Variants in IKZF3 observed in about 807,000 individuals in gnomAD.
IKZF3 encodes zinc finger protein Aiolos.
In IKZF3, 10 loss-of-function variants were observed where a neutral mutation model predicts 49.0. The ratio of observed to expected loss-of-function variants is 0.20; its 90% CI spans 0.13 to 0.35. The LOEUF is 0.35. Ranked by LOEUF, IKZF3 falls within the 10% of genes least tolerant of loss-of-function variation. The pLI is 1.00. For synonymous variants in IKZF3, 209 were observed against 228.2 expected (o/e 0.92, Z 0.76); for missense variants, 498 against 664.8 (o/e 0.75, Z 2.76).
At position 39,849,924 on chromosome 17, in the gene IKZF3, T is replaced by C. The variant is rs115233364; in HGVS notation, c.7+14196A>G. On this transcript the variant is annotated intron_variant, in intron 1 of 7. Transcript: ENST00000346872. ...CTCTCAGACATTGCTAGTGGGAGGG[T>C]AAACTGATCCAACCACTTTGGAAAC... is the stretch of plus-strand genomic sequence containing the variant. 4.3e-3 allele frequency among the ~76,000 whole-genome samples: 652 copies of C among 151,290 alleles called. 6 individuals carry two copies. The highest frequency in any genetic ancestry group is 0.015 in the African/African-American group (602 of 41,210).
rs79313700 is a variant in IKZF3, at chr17:39,835,288, C to G, written c.8-3137G>C. Reference sequence around the variant, plus strand: ...AGGGCCAGCTTGATGGTCATCAGCTCCTGGTACTTGAGCAGCTGACGCGCC... The same window carrying G: ...AGGGCCAGCTTGATGGTCATCAGCTGCTGGTACTTGAGCAGCTGACGCGCC... On this transcript the variant is annotated intron_variant, in intron 1 of 7. Coordinates refer to ENST00000346872, the MANE Select transcript of IKZF3 (RefSeq NM_012481.5). The G allele has an allele frequency of 1.6e-3, 869 of 551,002 alleles. 19 individuals carry two copies. The East Asian group carries it at 0.035, about 22-fold the overall frequency. The allele number at this position is 551,002 out of a possible 1,614,324, so 34.1% of individuals were successfully genotyped here. A position where few individuals can be genotyped will look rare whatever the true frequency, so the allele number is the denominator to read the frequency against.
intron 1 of IKZF3, among the ~76,000 whole-genome samples, chr17:39,850,606 G>C (rs2062802751): frequency 7.3e-5 from 1 of 13,638 alleles, no homozygotes; most frequent in Non-Finnish European, 3.2e-4. Flanking sequence ...ATAATATATA[G>C]CCTATTATAT....
At chr17:39,833,516 A>T (rs974794962) in intron 1 of IKZF3, among the ~76,000 whole-genome samples, 1 of 152,172 alleles carries the variant, frequency 6.6e-6, no homozygotes, top group Non-Finnish European at 1.5e-5. Flanking sequence ...TCACACAGAC[A>T]TATGGTATAA....
rs1422412340 is a variant in IKZF3 at position 39,764,449 on chromosome 17, A to G, written c.*1341T>C. 2.8e-5 allele frequency: 4 copies of G among 145,010 alleles called. No individual in the cohort carries two copies. The highest frequency in any genetic ancestry group is 1.1e-4 in the African/African-American group (4 of 37,960). The allele number at this position is 145,010 out of a possible 1,614,324, so 9.0% of individuals were successfully genotyped here. ...CACTGCACTCCAGCCTGGGCAACAGAGTGAGATCCTGTCTCAAAAAAAAAA... is the reference window on the plus strand; with the variant it reads ...CACTGCACTCCAGCCTGGGCAACAGGGTGAGATCCTGTCTCAAAAAAAAAA... On this transcript the variant is annotated 3_prime_UTR_variant, in exon 8 of 8. Coordinates refer to ENST00000346872, the MANE Select transcript of IKZF3 (RefSeq NM_012481.5).
In IKZF3 at chr17:39,791,407, CT is replaced by C; in HGVS notation, c.592+8del. 6.2e-7 allele frequency: 1 copy of C among 1,613,506 alleles called. No individual in the cohort carries two copies. Among genetic ancestry groups the C allele is most frequent in the South Asian group, 1.1e-5 (1 of 91,008 alleles). On this transcript the variant is annotated splice_region_variant and intron_variant, in intron 5 of 7. Transcript: ENST00000346872. Reference sequence around the variant, plus strand: ...TCCTAGACAAGGAATGCTCATTTCTCTCACTTACCAGAATGTGTCCTAAGAT... The same window carrying C: ...TCCTAGACAAGGAATGCTCATTTCTCCACTTACCAGAATGTGTCCTAAGAT...
chr17:39,783,849 AAC>A (rs1464290354), intron 6 of IKZF3, among the ~76,000 whole-genome samples: 3 of 152,042 alleles, frequency 2.0e-5, no homozygotes, highest in African/African-American at 7.2e-5. Flanking sequence ...GAATTGCTTG[AAC>A]CCAGAAGGCG....
In IKZF3 at chr17:39,758,993, C is replaced by G. The variant is rs1228014029; in HGVS notation, c.*6797G>C. On this transcript the variant is annotated 3_prime_UTR_variant, in exon 8 of 8. Coordinates refer to ENST00000346872, the MANE Select transcript of IKZF3 (RefSeq NM_012481.5). ...TCATATACAAAATCATGGAAAACCT[C>G]ACAACATCCTTGGAAGGTAGATATT... The G allele has an allele frequency of 6.6e-6, 1 of 151,402 alleles. No homozygotes were observed. Among genetic ancestry groups the G allele is most frequent in the African/African-American group, 2.4e-5 (1 of 41,088 alleles). 9.4% of individuals were successfully genotyped at this position (151,402 alleles called of 1,614,324 possible).
At chr17:39,813,303 G>GA (rs71355420) in intron 3 of IKZF3, among the ~76,000 whole-genome samples, 4,432 of 125,946 alleles carry the variant, frequency 0.035, 213 homozygotes, top group African/African-American at 0.11. Context: ...GCTTAGTTAT[G>GA]AAAAAAAAAA....
intron 1 of IKZF3, among the ~76,000 whole-genome samples, chr17:39,847,358 C>G (rs2062665182): frequency 6.6e-6 from 1 of 152,134 alleles, no homozygotes; most frequent in African/African-American, 2.4e-5. Context: ...CCTCTGCCAT[C>G]TGATGTTTGA....
In IKZF3 at chr17:39,777,675, T is replaced by A; in HGVS notation, c.802A>T (p.Ser268Cys). 1 of 1,613,452 alleles carries A rather than the reference T, an allele frequency of 6.2e-7. No homozygotes were observed. The highest frequency in any genetic ancestry group is 8.5e-7 in the Non-Finnish European group (1 of 1,179,604). ...RLASNVAKRK[S>C]SMPQKFIGEK... The stretch of plus-strand genomic sequence containing the variant: ...CCAATGAATTTCTGAGGCATTGAGC[T>A]TTTTCGTTTTGCCACATTGCTTGCT... The change falls in exon 7 of 8, where the codon AGC becomes TGC. Residue 268 changes from serine to cysteine, a missense_variant. This residue lies in a region of IKZF3 where 317 missense variants were observed against 397.3 expected (regional missense o/e 0.80). Transcript: ENST00000346872.
intron 3 of IKZF3, among the ~76,000 whole-genome samples, chr17:39,796,249 GA>G (rs2061158911): frequency 6.6e-6 from 1 of 152,086 alleles, no homozygotes; most frequent in South Asian, 2.1e-4. Flanking sequence ...AATTCTATTA[GA>G]AAATACTAAT....
intron 3 of IKZF3, among the ~76,000 whole-genome samples, chr17:39,824,462 C>A (rs1037402742): frequency 2.0e-5 from 3 of 152,010 alleles, no homozygotes; most frequent in Non-Finnish European, 4.4e-5. Flanking sequence ...GTTAGGGAGG[C>A]ATGATTGTGT....
chr17:39,779,254 A>G (rs1272877939), intron 6 of IKZF3, among the ~76,000 whole-genome samples: 1 of 152,158 alleles, frequency 6.6e-6, no homozygotes, highest in East Asian at 1.9e-4. Flanking sequence ...TGAGGTCGGG[A>G]GTTCAAGACC....
At chr17:39,781,637 T>C (rs894927353) in intron 6 of IKZF3, among the ~76,000 whole-genome samples, 7 of 152,156 alleles carry the variant, frequency 4.6e-5, no homozygotes, top group Admixed American at 2.0e-4. Flanking sequence ...TTTACTGAAG[T>C]CAATGTCAAT....
At chr17:39,811,216 AG>A (rs2144098254) in intron 3 of IKZF3, among the ~76,000 whole-genome samples, 1 of 106,940 alleles carries the variant, frequency 9.4e-6, no homozygotes, top group African/African-American at 3.6e-5. Context: ...CAGCCTGGAC[AG>A]CAGAGCAAGA....
At chr17:39,789,333 G>A (rs2060953742) in intron 5 of IKZF3, among the ~76,000 whole-genome samples, 1 of 152,132 alleles carries the variant, frequency 6.6e-6, no homozygotes, top group East Asian at 1.9e-4. Context: ...CGGAGGCCGA[G>A]GCAGGCGGAT....
At position 39,765,745 on chromosome 17, in the gene IKZF3, A is replaced by G. The variant is rs746437844; in HGVS notation, c.*45T>C. 6.9e-7 allele frequency: 1 copy of G among 1,448,810 alleles called. No homozygotes were observed. The highest frequency in any genetic ancestry group is 2.3e-5 in the East Asian group (1 of 43,588). 89.7% of individuals were successfully genotyped at this position (1,448,810 alleles called of 1,614,324 possible). Reference sequence around the variant, plus strand: ...CTGTTAGGCGAGGTCATTGGTTTTTAGAAACGATGCTGAATACATAGGAGC... The same window carrying G: ...CTGTTAGGCGAGGTCATTGGTTTTTGGAAACGATGCTGAATACATAGGAGC... On this transcript the variant is annotated 3_prime_UTR_variant, in exon 8 of 8. Coordinates refer to ENST00000346872, the MANE Select transcript of IKZF3 (RefSeq NM_012481.5).
At chr17:39,850,526 TA>T (rs2062797439) in intron 1 of IKZF3, among the ~76,000 whole-genome samples, 1 of 130,112 alleles carries the variant, frequency 7.7e-6, no homozygotes, top group Non-Finnish European at 1.5e-5. Flanking sequence ...ATATTATACA[TA>T]TTATACATGT....
chr17:39,833,202 TAAC>T (rs1261009880), intron 1 of IKZF3, among the ~76,000 whole-genome samples: 1 of 152,202 alleles, frequency 6.6e-6, no homozygotes, highest in Non-Finnish European at 1.5e-5. Flanking sequence ...ACCTCAGTCC[TAAC>T]ATTTCAGCAT....
Sources: allele counts gnomAD v4.1 joint callset (sites outside exome capture counted in the v4.1 genomes callset), GRCh38; gene constraint gnomAD v4.1.1; regional missense constraint gnomAD v4.1.1; transcripts MANE v1.5; gene names NCBI Gene and HGNC (gene_info 2026-07-23, HGNC 2026-07-21).